PPM1H: variants seen among roughly 807,000 people sequenced by gnomAD.
PPM1H encodes protein phosphatase 1H.
Under a neutral mutation model 54.9 loss-of-function variants are expected in PPM1H, and 27 were observed. That is an observed-to-expected ratio of 0.49 (90% CI 0.36 to 0.68). The LOEUF (loss-of-function observed/expected upper bound fraction) is 0.68, where lower values mean the gene tolerates loss of function less well. Ranked by LOEUF, PPM1H falls within the 30% of genes least tolerant of loss-of-function variation. The probability of loss-of-function intolerance (pLI) is 0.00; values close to 1 mark genes in which losing one functional copy is unlikely to be tolerated. For missense variants in PPM1H, 596 were observed against 667.8 expected (o/e 0.89, Z 1.19); for synonymous variants, 305 against 270.8 (o/e 1.13, Z -1.24).
At chr12:62,904,105 T>G (rs1447539114) in intron 1 of PPM1H, among the ~76,000 whole-genome samples, 1 of 152,182 alleles carries the variant, frequency 6.6e-6, no homozygotes, top group Non-Finnish European at 1.5e-5. Context: ...TGTTGGTATT[T>G]CTTGTAGGGA....
At chr12:62,869,180 A>G (rs1869891849) in intron 1 of PPM1H, among the ~76,000 whole-genome samples, 1 of 152,140 alleles carries the variant, frequency 6.6e-6, no homozygotes, top group African/African-American at 2.4e-5. Flanking sequence ...GAAAACAACC[A>G]TCTTCCTGGA....
At chr12:62,663,078 AGGT>A (rs1295554437) in intron 9 of PPM1H, among the ~76,000 whole-genome samples, 3 of 151,874 alleles carry the variant, frequency 2.0e-5, no homozygotes, top group Non-Finnish European at 2.9e-5. Flanking sequence ...GGGGTGGGGG[AGGT>A]GCTATAAAGT....
At chr12:62,830,163 T>A (rs2120849586) in intron 2 of PPM1H, among the ~76,000 whole-genome samples, 1 of 152,370 alleles carries the variant, frequency 6.6e-6, no homozygotes, top group South Asian at 2.1e-4. Context: ...GCTCAACATT[T>A]TCCACGGACT....
intron 4 of PPM1H, among the ~76,000 whole-genome samples, chr12:62,783,443 A>T (rs1172774123): frequency 6.6e-6 from 1 of 152,246 alleles, no homozygotes; most frequent in Non-Finnish European, 1.5e-5. Flanking sequence ...GAGAAAAACA[A>T]AACCTCTGTG....
At chr12:62,847,750 A>T (rs1216739366) in intron 1 of PPM1H, among the ~76,000 whole-genome samples, 1 of 152,112 alleles carries the variant, frequency 6.6e-6, no homozygotes, top group African/African-American at 2.4e-5. Context: ...TATTTTAAGG[A>T]TTCAAAAAAA....
intron 6 of PPM1H, among the ~76,000 whole-genome samples, chr12:62,698,838 T>C (rs2076128007): frequency 6.6e-6 from 1 of 152,166 alleles, no homozygotes; most frequent in African/African-American, 2.4e-5. Context: ...ACACACACAA[T>C]AGATATTTTA....
At chr12:62,692,223 A>G (rs117730862) in intron 7 of PPM1H, among the ~76,000 whole-genome samples, 1,860 of 152,330 alleles carry the variant, frequency 0.012, 23 homozygotes, top group Non-Finnish European at 0.021. Context: ...GTATCTACCA[A>G]CAAAAGCAAA....
At chr12:62,929,805 G>C (rs1872078016) in intron 1 of PPM1H, among the ~76,000 whole-genome samples, 1 of 152,156 alleles carries the variant, frequency 6.6e-6, no homozygotes, top group South Asian at 2.1e-4. Flanking sequence ...CCTTTTGCAA[G>C]TCACCAGAAA....
chr12:62,854,513 G>A (rs1454365425), intron 1 of PPM1H, among the ~76,000 whole-genome samples: 1 of 152,132 alleles, frequency 6.6e-6, no homozygotes, highest in Non-Finnish European at 1.5e-5. Flanking sequence ...GTTACTGATA[G>A]CTCAGTTTCT....
intron 2 of PPM1H, among the ~76,000 whole-genome samples, chr12:62,810,571 G>T (rs76988035): frequency 1.3e-5 from 2 of 152,316 alleles, no homozygotes; most frequent in East Asian, 3.9e-4. Flanking sequence ...CTAAGATTTT[G>T]TGTTTATATG....
chr12:62,709,587 C>T (rs1470074126), intron 6 of PPM1H, among the ~76,000 whole-genome samples: 1 of 152,122 alleles, frequency 6.6e-6, no homozygotes, highest in East Asian at 1.9e-4. Context: ...AAGTCCTCCC[C>T]AATCCCAATC....
intron 1 of PPM1H, among the ~76,000 whole-genome samples, chr12:62,891,911 G>A (rs182508051): frequency 9.3e-4 from 141 of 152,302 alleles, no homozygotes; most frequent in African/African-American, 3.0e-3. Context: ...CAGTTTGGCT[G>A]AAGTGTGTGT....
intron 4 of PPM1H, among the ~76,000 whole-genome samples, chr12:62,780,450 G>T (rs976005394): frequency 2.0e-5 from 3 of 152,176 alleles, no homozygotes; most frequent in Non-Finnish European, 4.4e-5. Flanking sequence ...ACAGGCATGT[G>T]CCACCATGCC....
At chr12:62,835,002 C>T (rs1015725325) in intron 1 of PPM1H, among the ~76,000 whole-genome samples, 13 of 152,138 alleles carry the variant, frequency 8.5e-5, no homozygotes, top group Non-Finnish European at 1.8e-4. Context: ...TACTGTCATC[C>T]GTACAAGATC....
chr12:62,781,598 C>G (rs1419036546), intron 4 of PPM1H, among the ~76,000 whole-genome samples: 1 of 152,258 alleles, frequency 6.6e-6, no homozygotes, highest in Non-Finnish European at 1.5e-5. Flanking sequence ...TTGCTAAACA[C>G]AGACTGCTGG....
chr12:62,878,865 G>A (rs956936578), intron 1 of PPM1H, among the ~76,000 whole-genome samples: 22 of 152,058 alleles, frequency 1.4e-4, no homozygotes, highest in Admixed American at 6.6e-4. Context: ...GCTTGAATCC[G>A]TAAGGCGGAG....
chr12:62,877,273 C>T (rs1259446950), intron 1 of PPM1H, among the ~76,000 whole-genome samples: 2 of 152,108 alleles, frequency 1.3e-5, no homozygotes, highest in Non-Finnish European at 2.9e-5. Flanking sequence ...GCAGATGCAC[C>T]AGGGCCATCT....
intron 2 of PPM1H, among the ~76,000 whole-genome samples, chr12:62,802,370 T>C (rs1330019554): frequency 6.6e-6 from 1 of 151,902 alleles, no homozygotes; most frequent in East Asian, 1.9e-4. Flanking sequence ...AAATGAGCCA[T>C]TGTTGTTACT....
intron 4 of PPM1H, among the ~76,000 whole-genome samples, chr12:62,785,861 G>GA (rs35904349): frequency 0.016 from 2,008 of 129,386 alleles, 23 homozygotes; most frequent in Non-Finnish European, 0.021. Context: ...TAAAAATGAG[G>GA]AAAAAAAAAA....
Sources: allele counts gnomAD v4.1 joint callset (sites outside exome capture counted in the v4.1 genomes callset), GRCh38; gene constraint gnomAD v4.1.1; transcripts MANE v1.5; gene names NCBI Gene and HGNC (gene_info 2026-07-23, HGNC 2026-07-21).